Variants in ZWILCH observed in about 807,000 individuals in gnomAD.
The protein encoded by ZWILCH is protein zwilch homolog.
Under a neutral mutation model 79.9 loss-of-function variants are expected in ZWILCH, and 74 were observed. The ratio of observed to expected loss-of-function variants is 0.93; its 90% confidence interval spans 0.77 to 1.12. The LOEUF (loss-of-function observed/expected upper bound fraction) is 1.12. Ranked by LOEUF, ZWILCH falls within the 50% of genes most tolerant of loss-of-function variation. ZWILCH has a pLI of 0.00. For missense variants in ZWILCH, 694 were observed against 687.5 expected (o/e 1.01, Z -0.11); for synonymous variants, 241 against 228.2 (o/e 1.06, Z -0.51).
chr15:66,548,242 A>G (rs1895454266), intron 18 of ZWILCH, 109 bp from the exon 19 acceptor site: 1 of 299,398 alleles, frequency 3.3e-6, no homozygotes, highest in South Asian at 8.5e-5. Context: ...CATAATATAC[A>G]TTCATTATAT....
At position 66,545,733 on chromosome 15, in the gene ZWILCH, C is replaced by T. The variant is rs180984341; in HGVS notation, c.1688-858C>T. ...AGTGTCTTTTATCCCCAAAGCAAGA[C>T]CCATTTTCGAAGGGGGTATCTCATT... On this transcript the variant is annotated intron_variant, in intron 17 of 18. Coordinates refer to ENST00000307897, the MANE Select transcript of ZWILCH (RefSeq NM_017975.5). 1.3e-4 allele frequency among the ~76,000 whole-genome samples: 20 copies of T among 152,280 alleles called. No homozygotes were observed. The East Asian group carries it at 3.7e-3, about 28-fold the overall frequency.
At chr15:66,533,388 A>C (rs2140791983) in intron 14 of ZWILCH, among the ~76,000 whole-genome samples, 1 of 152,274 alleles carries the variant, frequency 6.6e-6, no homozygotes, top group Non-Finnish European at 1.5e-5. Flanking sequence ...TTTCCAAATA[A>C]TTTATAATCT....
chr15:66,520,431 C>G (rs1298879592), intron 5 of ZWILCH, 159 bp from the exon 6 acceptor site: 4 of 586,210 alleles, frequency 6.8e-6, no homozygotes, highest in African/African-American at 5.7e-5. Context: ...CACTTTCATT[C>G]TCTTATAAAC....
At chr15:66,539,401 CAAAAAAAAAAAAA>C (rs536047404) in intron 16 of ZWILCH, among the ~76,000 whole-genome samples, 1 of 58,066 alleles carries the variant, frequency 1.7e-5, no homozygotes, top group African/African-American at 6.1e-5. Context: ...AAGACCCTGT[CAAAAAAAAAAAAA>C]AAAAAAAAAG....
chr15:66,542,268 G>A (rs1895214143), intron 17 of ZWILCH, among the ~76,000 whole-genome samples: 1 of 151,692 alleles, frequency 6.6e-6, no homozygotes, highest in South Asian at 2.1e-4. Context: ...GGCCAGCACG[G>A]TGAAACACCA....
intron 17 of ZWILCH, among the ~76,000 whole-genome samples, chr15:66,542,078 A>T (rs898758840): frequency 2.0e-5 from 3 of 152,228 alleles, no homozygotes. Context: ...CCTGGAAGTG[A>T]TAAAAGACTG....
chr15:66,535,930 C>T lies in ZWILCH; in HGVS notation c.1342-3C>T, dbSNP rs1176734531. 1 of 1,592,402 alleles carries T rather than the reference C, an allele frequency of 6.3e-7. No homozygotes were observed. Among genetic ancestry groups the T allele is most frequent in the African/African-American group, 1.4e-5 (1 of 73,442 alleles). ...CTATTTTGCTTATATTTTTTCATTC[C>T]AGGAATACTTCATTGCTCCATCAGT... On this transcript the variant is annotated splice_region_variant and splice_polypyrimidine_tract_variant and intron_variant, in intron 14 of 18. Transcript: ENST00000307897.
chr15:66,523,782 CTA>C (rs778109185), intron 8 of ZWILCH, 34 bp downstream of exon 8: 15 of 1,514,650 alleles, frequency 9.9e-6, no homozygotes, highest in Non-Finnish European at 1.2e-5. Context: ...TTCCTTAAAT[CTA>C]TGTTTTTATA....
chr15:66,537,573 C>T lies in ZWILCH; in HGVS notation c.1574+310C>T, dbSNP rs112511544. Among the ~76,000 whole-genome samples, 678 of 152,090 alleles carry T rather than the reference C, an allele frequency of 4.5e-3. 2 individuals carry two copies. Among genetic ancestry groups the T allele is most frequent in the African/African-American group, 0.015 (627 of 41,492 alleles). On this transcript the variant is annotated intron_variant, in intron 16 of 18. Coordinates refer to ENST00000307897, the MANE Select transcript of ZWILCH (RefSeq NM_017975.5). ...GGGCATGGTGGCATGCACCTATAAT[C>T]CCAGCTACTCGGGAGGCTGAGGCAG... is the stretch of plus-strand genomic sequence containing the variant.
chr15:66,540,323 G>C (rs1274430431), intron 17 of ZWILCH, 113 bp downstream of exon 17: 1 of 749,882 alleles, frequency 1.3e-6, no homozygotes, highest in Non-Finnish European at 2.1e-6. Context: ...AGGCCGGGGT[G>C]GGCAGATTGT....
At chr15:66,508,516 A>G (rs533484531) in intron 1 of ZWILCH, among the ~76,000 whole-genome samples, 1 of 152,246 alleles carries the variant, frequency 6.6e-6, no homozygotes, top group Non-Finnish European at 1.5e-5. Flanking sequence ...TTTAATTTTA[A>G]CTGGTGATGT....
Position 66,521,053 on chromosome 15 carries a change from A to G in ZWILCH, c.595A>G (p.Thr199Ala). The G allele has an allele frequency of 6.2e-7, 1 of 1,614,038 alleles. No homozygotes were observed. Among genetic ancestry groups the G allele is most frequent in the Non-Finnish European group, 8.5e-7 (1 of 1,179,970 alleles). ...HKKRHHLSTVTSKGFAQYELF... is the reference protein window; with the variant it reads ...HKKRHHLSTVASKGFAQYELF... Reference sequence around the variant, plus strand: ...CTGCTGGGTACACTCTTTTCAGGTAACATCCAAAGGCTTTGCCCAGTATGA... The same window carrying G: ...CTGCTGGGTACACTCTTTTCAGGTAGCATCCAAAGGCTTTGCCCAGTATGA... Residue 199 changes from threonine (T) to alanine (A), a missense_variant, in exon 7 of 19, where the codon ACA becomes GCA. By Grantham distance (58) the Thr-to-Ala change is moderately conservative (BLOSUM62 0). Transcript: ENST00000307897.
intron 17 of ZWILCH, 102 bp downstream of exon 17, chr15:66,540,312 G>A (rs976429574): frequency 6.2e-5 from 56 of 906,028 alleles, no homozygotes; most frequent in Non-Finnish European, 9.0e-5. Flanking sequence ...AGCACTTTGG[G>A]AGGCCGGGGT....
At position 66,515,550 on chromosome 15, in the gene ZWILCH, C is replaced by A; in HGVS notation, c.226C>A (p.His76Asn). 6.2e-7 allele frequency: 1 copy of A among 1,609,428 alleles called. No individual in the cohort carries two copies. Among genetic ancestry groups the A allele is most frequent in the Non-Finnish European group, 8.5e-7 (1 of 1,178,182 alleles). The change falls in exon 4 of 19, where the codon CAT becomes AAT. Residue 76 changes from histidine (H) to asparagine (N), a missense_variant. Physicochemically the swap from His to Asn is moderately conservative, Grantham distance 68 (BLOSUM62 1). Coordinates refer to ENST00000307897, the MANE Select transcript of ZWILCH (RefSeq NM_017975.5). ...KVPLEKEETS[H>N]IEELQSEETA... ...GCCTTTAGAAAAGGAAGAAACAAGT[C>A]ATATTGAAGAACTTCAATCTGAAGA...
In ZWILCH at chr15:66,548,814, T is replaced by A; in HGVS notation, c.*490T>A. The A allele has an allele frequency of 2.9e-6, 1 of 345,490 alleles. No homozygotes were observed. 21.4% of individuals were successfully genotyped at this position (345,490 alleles called of 1,614,324 possible). On this transcript the variant is annotated 3_prime_UTR_variant, in exon 19 of 19. Coordinates refer to ENST00000307897, the MANE Select transcript of ZWILCH (RefSeq NM_017975.5). ...AGCTTTGTAAATATTTCAGAAAATA[T>A]GGGATAAATGCCTGAATTTGGTTCT...
intron 3 of ZWILCH, 79 bp from the exon 4 acceptor site, chr15:66,515,447 A>T: frequency 1.2e-6 from 1 of 865,256 alleles, no homozygotes. Flanking sequence ...ACTTGTCATT[A>T]TTCTGTAGCA....
chr15:66,521,982 G>A (rs117802802), intron 7 of ZWILCH, among the ~76,000 whole-genome samples: 2,774 of 152,102 alleles, frequency 0.018, 44 homozygotes, highest in South Asian at 0.062. Context: ...GATGGATCAC[G>A]GGGTCAGGAG....
intron 2 of ZWILCH, among the ~76,000 whole-genome samples, chr15:66,509,859 A>AGC: frequency 1.0e-5 from 1 of 97,770 alleles, no homozygotes; most frequent in East Asian, 3.8e-4. Context: ...ATATATATAT[A>AGC]TATATATATA....
At chr15:66,527,676 G>A (rs1434672138) in intron 9 of ZWILCH, among the ~76,000 whole-genome samples, 181 bp from the exon 10 acceptor site, 5 of 152,062 alleles carry the variant, frequency 3.3e-5, no homozygotes, top group Admixed American at 6.6e-5. Context: ...TGTTACCTCC[G>A]TTCATCCTCA....
Sources: allele counts gnomAD v4.1 joint callset (sites outside exome capture counted in the v4.1 genomes callset), GRCh38; gene constraint gnomAD v4.1.1; transcripts MANE v1.5; gene names NCBI Gene and HGNC (gene_info 2026-07-23, HGNC 2026-07-21).